The following CACNA2D1 variants were observed in gnomAD, a reference collection of about 807,000 sequenced individuals.
CACNA2D1 encodes calcium voltage-gated channel auxiliary subunit alpha2delta 1, also known as voltage-dependent calcium channel subunit alpha-2/delta-1.
CACNA2D1 carries 53 observed loss-of-function variants against 171.5 expected under a neutral mutation model. That is an observed-to-expected ratio of 0.31 (90% CI 0.25 to 0.39). The LOEUF (loss-of-function observed/expected upper bound fraction) is 0.39. CACNA2D1 is among the 10% of genes least tolerant of loss of function. CACNA2D1 has a pLI of 1.00. For missense variants in CACNA2D1, 903 were observed against 1,299.8 expected (o/e 0.69, Z 4.69); for synonymous variants, 442 against 443.1 (o/e 1.00, Z 0.03).
intron 3 of CACNA2D1, among the ~76,000 whole-genome samples, chr7:82,201,847 A>G (rs1799469782): frequency 6.6e-6 from 1 of 152,220 alleles, no homozygotes; most frequent in Non-Finnish European, 1.5e-5. Flanking sequence ...TTCTGGCTGA[A>G]AGCTTGTTCT....
At chr7:82,054,020 A>G (rs1321669255) in intron 10 of CACNA2D1, among the ~76,000 whole-genome samples, 1 of 152,200 alleles carries the variant, frequency 6.6e-6, no homozygotes, top group East Asian at 1.9e-4. Context: ...TTCTTAAGAA[A>G]TTAGTTAACA....
chr7:81,955,574 T>TTGATACAATAATA (rs1209774843), intron 38 of CACNA2D1, among the ~76,000 whole-genome samples: 4 of 152,092 alleles, frequency 2.6e-5, no homozygotes, highest in African/African-American at 4.8e-5. Context: ...ATGTATTCCT[T>TTGATACAATAATA]TGATACAATA....
chr7:81,998,470 C>T (rs1285323479), intron 18 of CACNA2D1, among the ~76,000 whole-genome samples: 1 of 151,920 alleles, frequency 6.6e-6, no homozygotes, highest in Non-Finnish European at 1.5e-5. Context: ...TAAAATTAAG[C>T]ATATCTTATC....
chr7:82,282,894 T>C (rs1293950532), intron 3 of CACNA2D1, among the ~76,000 whole-genome samples: 2 of 152,114 alleles, frequency 1.3e-5, no homozygotes, highest in Non-Finnish European at 2.9e-5. Flanking sequence ...CTACAATACA[T>C]TACAAATTTA....
chr7:82,241,687 G>C lies in CACNA2D1; in HGVS notation c.295-71078C>G, dbSNP rs146344611. On this transcript the variant is annotated intron_variant, in intron 3 of 38. Coordinates refer to ENST00000356860, the MANE Select transcript of CACNA2D1 (RefSeq NM_000722.4). The stretch of plus-strand genomic sequence containing the variant: ...AGAAAGACAGTATGTATATGTTTAA[G>C]GATGCATGGAAGGGAGGGAGGGGGG... 7.5e-3 allele frequency among the ~76,000 whole-genome samples: 1,135 copies of C among 152,026 alleles called. 13 individuals carry two copies. Among genetic ancestry groups the C allele is most frequent in the African/African-American group, 0.026 (1,080 of 41,466 alleles).
intron 4 of CACNA2D1, among the ~76,000 whole-genome samples, chr7:82,150,506 A>AT (rs993357700): frequency 7.3e-5 from 11 of 151,394 alleles, no homozygotes; most frequent in African/African-American, 1.9e-4. Context: ...CCTTTGCATC[A>AT]TTTTTTTTCT....
intron 1 of CACNA2D1, chr7:82,410,542 G>T: frequency 1.0e-6 from 1 of 985,164 alleles, no homozygotes. Context: ...CGCTACATCA[G>T]GGGTGGCTGA....
rs1250559693 is a variant in CACNA2D1 at position 82,212,015 on chromosome 7, C to T, written c.295-41406G>A. 4.6e-5 allele frequency among the ~76,000 whole-genome samples: 7 copies of T among 152,094 alleles called. No individual in the cohort carries two copies. The East Asian group carries it at 7.7e-4, about 17-fold the overall frequency. On this transcript the variant is annotated intron_variant, in intron 3 of 38. Transcript: ENST00000356860. ...AGCATTGTTATATGCTTGTTGACCACGTGTATATCTTCTTTTGGGAAGTGT... is the reference window on the plus strand; with the variant it reads ...AGCATTGTTATATGCTTGTTGACCATGTGTATATCTTCTTTTGGGAAGTGT...
At chr7:82,050,474 G>A in intron 10 of CACNA2D1, 1 of 662,850 alleles carries the variant, frequency 1.5e-6, no homozygotes, top group South Asian at 1.6e-5. Context: ...GTAGTGAGAT[G>A]GGTTTCCAGC....
At chr7:82,106,436 T>A (rs2129042689) in intron 6 of CACNA2D1, among the ~76,000 whole-genome samples, 1 of 152,282 alleles carries the variant, frequency 6.6e-6, no homozygotes, top group African/African-American at 2.4e-5. Flanking sequence ...GCTAGCCAAG[T>A]GCACTTCTGA....
At chr7:82,335,961 G>A (rs1201529453) in intron 2 of CACNA2D1, among the ~76,000 whole-genome samples, 4 of 152,126 alleles carry the variant, frequency 2.6e-5, no homozygotes, top group African/African-American at 9.7e-5. Flanking sequence ...GGCATAAGTT[G>A]CACCTGTCTT....
chr7:82,107,083 G>A (rs1563057761), intron 6 of CACNA2D1, among the ~76,000 whole-genome samples: 1 of 152,096 alleles, frequency 6.6e-6, no homozygotes, highest in African/African-American at 2.4e-5. Flanking sequence ...TAGTACAAGA[G>A]ATACAGAGTA....
intron 3 of CACNA2D1, among the ~76,000 whole-genome samples, chr7:82,311,605 T>C (rs536729186): frequency 3.4e-4 from 52 of 152,316 alleles, no homozygotes; most frequent in Non-Finnish European, 6.6e-4. Flanking sequence ...GTGAGCACAA[T>C]TTAAACATTT....
At chr7:82,062,547 G>A (rs887741382) in intron 9 of CACNA2D1, among the ~76,000 whole-genome samples, 4 of 149,008 alleles carry the variant, frequency 2.7e-5, no homozygotes, top group African/African-American at 7.4e-5. Context: ...TATTTGTTAA[G>A]GTCTAGTTTA....
chr7:82,039,976 C>G (rs573852566), intron 10 of CACNA2D1, among the ~76,000 whole-genome samples: 2 of 152,272 alleles, frequency 1.3e-5, no homozygotes, highest in East Asian at 3.9e-4. Flanking sequence ...ACTGGAAGAT[C>G]TTAAGCCAAA....
At chr7:82,290,121 T>C (rs1811338452) in intron 3 of CACNA2D1, among the ~76,000 whole-genome samples, 1 of 152,174 alleles carries the variant, frequency 6.6e-6, no homozygotes, top group Admixed American at 6.5e-5. Context: ...CCATTACTTT[T>C]AATAGCAAAA....
rs1202185518 is a variant in CACNA2D1 at position 82,000,882 on chromosome 7, GC to G, written c.1591-3633del. On this transcript the variant is annotated intron_variant, in intron 18 of 38. Transcript: ENST00000356860. Reference sequence around the variant, plus strand: ...CTGACCTTGTGATCGGCCCTCCTCAGCCTCCCAAAGTGTTGGGATTATAGGC... The same window carrying G: ...CTGACCTTGTGATCGGCCCTCCTCAGCTCCCAAAGTGTTGGGATTATAGGC... Among the ~76,000 whole-genome samples, 65 of 131,098 alleles carry G rather than the reference GC, an allele frequency of 5.0e-4. 1 individual carries two copies. The Admixed American group carries it at 5.7e-3, about 12-fold the overall frequency. The allele number at this position is 131,098 out of a possible 152,430, so 86.0% of individuals were successfully genotyped here.
At chr7:82,141,717 C>T (rs1328665937) in intron 4 of CACNA2D1, among the ~76,000 whole-genome samples, 1 of 152,208 alleles carries the variant, frequency 6.6e-6, no homozygotes, top group East Asian at 1.9e-4. Flanking sequence ...GACATGACCA[C>T]ATAAACTAAA....
intron 2 of CACNA2D1, among the ~76,000 whole-genome samples, chr7:82,337,904 T>C (rs1468986832): frequency 6.6e-6 from 1 of 152,188 alleles, no homozygotes; most frequent in Non-Finnish European, 1.5e-5. Context: ...ATTCTTTCTT[T>C]CCTACAATCT....
Sources: allele counts gnomAD v4.1 joint callset (sites outside exome capture counted in the v4.1 genomes callset), GRCh38; gene constraint gnomAD v4.1.1; transcripts MANE v1.5; gene names NCBI Gene and HGNC (gene_info 2026-07-23, HGNC 2026-07-21).